The following ST8SIA6 variants were observed in gnomAD, a reference collection of about 807,000 sequenced individuals.
ST8SIA6 encodes the protein alpha-2,8-sialyltransferase 8F.
In ST8SIA6, 39 loss-of-function variants were observed where a neutral mutation model predicts 33.6. The ratio of observed to expected loss-of-function variants is 1.16; its 90% CI spans 0.90 to 1.52. The LOEUF (loss-of-function observed/expected upper bound fraction) is 1.52, where lower values mean the gene tolerates loss of function less well. Ranked by LOEUF, ST8SIA6 falls within the 40% of genes most tolerant of loss-of-function variation. The pLI, the probability that ST8SIA6 is intolerant of heterozygous loss-of-function variation, is 0.00. For missense variants in ST8SIA6, 441 were observed against 443.8 expected (o/e 0.99, Z 0.06); for synonymous variants, 172 against 167.2 (o/e 1.03, Z -0.22).
At chr10:17,363,628 G>A (rs188856753) in intron 3 of ST8SIA6, among the ~76,000 whole-genome samples, 1 of 152,264 alleles carries the variant, frequency 6.6e-6, no homozygotes, top group Admixed American at 6.5e-5. Context: ...GCTGGAGTTG[G>A]CTCATACAAG....
intron 3 of ST8SIA6, among the ~76,000 whole-genome samples, chr10:17,369,150 A>C (rs371347096): frequency 2.0e-4 from 31 of 152,222 alleles, no homozygotes; most frequent in African/African-American, 7.5e-4. Context: ...AGTGGTTGTT[A>C]TATTCACAGA....
chr10:17,387,374 C>T (rs1850411582), intron 3 of ST8SIA6, among the ~76,000 whole-genome samples: 1 of 149,292 alleles, frequency 6.7e-6, no homozygotes, highest in Non-Finnish European at 1.5e-5. Context: ...GCCTCAGTCT[C>T]CCGAGTAGCT....
chr10:17,324,670 C>A (rs932511089), intron 6 of ST8SIA6, among the ~76,000 whole-genome samples: 3 of 148,170 alleles, frequency 2.0e-5, no homozygotes, highest in African/African-American at 5.0e-5. Context: ...CTAGATTCTA[C>A]TTTTGCTGAT....
At chr10:17,367,773 A>G (rs960934292) in intron 3 of ST8SIA6, among the ~76,000 whole-genome samples, 1 of 152,226 alleles carries the variant, frequency 6.6e-6, no homozygotes, top group Non-Finnish European at 1.5e-5. Context: ...TAAATTGCAG[A>G]GTCTGATAAA....
rs1441773404 is a variant in ST8SIA6 at position 17,320,221 on chromosome 10, T to G, written c.*657A>C. On this transcript the variant is annotated 3_prime_UTR_variant, in exon 8 of 8. Transcript: ENST00000377602. ...AAAAGTGTAAGAATGAGGCAGGAAGTTAAAATAAAATTATTAAGTGATGAA... is the reference window on the plus strand; with the variant it reads ...AAAAGTGTAAGAATGAGGCAGGAAGGTAAAATAAAATTATTAAGTGATGAA... 6.6e-6 allele frequency: 1 copy of G among 152,246 alleles called. No individual in the cohort carries two copies. The highest frequency in any genetic ancestry group is 1.5e-5 in the Non-Finnish European group (1 of 68,094). The allele number at this position is 152,246 out of a possible 1,614,324, so 9.4% of individuals were successfully genotyped here.
At chr10:17,437,476 T>C (rs1852308754) in intron 2 of ST8SIA6, among the ~76,000 whole-genome samples, 1 of 151,408 alleles carries the variant, frequency 6.6e-6, no homozygotes, top group Non-Finnish European at 1.5e-5. Flanking sequence ...CTGGACAATC[T>C]CTATATTTTA....
intron 2 of ST8SIA6, among the ~76,000 whole-genome samples, chr10:17,400,436 G>A (rs1019405034): frequency 6.6e-6 from 1 of 152,172 alleles, no homozygotes; most frequent in Admixed American, 6.5e-5. Context: ...GGAGGCTGAG[G>A]CAGGAGAATT....
chr10:17,434,726 G>T (rs1353565758), intron 2 of ST8SIA6, among the ~76,000 whole-genome samples: 4 of 151,232 alleles, frequency 2.6e-5, no homozygotes, highest in Admixed American at 2.6e-4. Context: ...GTCTGTAGGT[G>T]TTGGGAGGAC....
intron 6 of ST8SIA6, among the ~76,000 whole-genome samples, chr10:17,323,924 A>C (rs1046932441): frequency 5.9e-5 from 9 of 152,210 alleles, no homozygotes; most frequent in Admixed American, 2.6e-4. Context: ...AGCAAAGACT[A>C]AATTAAACAA....
chr10:17,317,983 T>C lies in ST8SIA6; in HGVS notation c.*2895A>G, dbSNP rs555204401. 6.6e-6 allele frequency among the ~76,000 whole-genome samples: 1 copy of C among 152,282 alleles called. No homozygotes were observed. The highest frequency in any genetic ancestry group is 1.9e-4 in the East Asian group (1 of 5,176). On this transcript the variant is annotated 3_prime_UTR_variant, in exon 8 of 8. Coordinates refer to ENST00000377602, the MANE Select transcript of ST8SIA6 (RefSeq NM_001004470.3). The stretch of plus-strand genomic sequence containing the variant: ...CTGCGCAAAAATTAACACTATGCAA[T>C]TGATCATGAAGCCCTTTGCAGGGAC...
intron 2 of ST8SIA6, among the ~76,000 whole-genome samples, chr10:17,430,851 GA>G (rs1196226795): frequency 6.6e-5 from 10 of 152,172 alleles, no homozygotes; most frequent in African/African-American, 9.7e-5. Flanking sequence ...TTGCTCTGCT[GA>G]TTATTCCTTT....
chr10:17,370,256 T>C (rs576231185), intron 3 of ST8SIA6, among the ~76,000 whole-genome samples: 2 of 152,348 alleles, frequency 1.3e-5, no homozygotes, highest in African/African-American at 4.8e-5. Context: ...GTGCTGGGAT[T>C]GCAGGCGTGA....
Position 17,390,623 on chromosome 10 carries a change from GT to G in ST8SIA6, c.201-4del. ...GCGACTTCTCATTCAGATATGTGCT[GT>G]TTCATGAAAGAGATTTTTAAAAAGA... On this transcript the variant is annotated splice_polypyrimidine_tract_variant and splice_region_variant and intron_variant, in intron 2 of 7. Coordinates refer to ENST00000377602, the MANE Select transcript of ST8SIA6 (RefSeq NM_001004470.3). 6.2e-7 allele frequency: 1 copy of G among 1,602,362 alleles called. No homozygotes were observed. Among genetic ancestry groups the G allele is most frequent in the Admixed American group, 1.7e-5 (1 of 57,546 alleles).
At chr10:17,392,940 T>A (rs569856167) in intron 2 of ST8SIA6, among the ~76,000 whole-genome samples, 17 of 152,288 alleles carry the variant, frequency 1.1e-4, no homozygotes, top group South Asian at 4.1e-4. Flanking sequence ...AAAACATGAT[T>A]TCTGGGTGTG....
intron 2 of ST8SIA6, among the ~76,000 whole-genome samples, chr10:17,408,498 T>C (rs1218844554): frequency 6.6e-6 from 1 of 151,914 alleles, no homozygotes; most frequent in Admixed American, 6.6e-5. Flanking sequence ...ACCCCGTCTC[T>C]ACTAGAAAGG....
chr10:17,327,992 C>A (rs553360154), intron 5 of ST8SIA6, among the ~76,000 whole-genome samples: 69 of 152,108 alleles, frequency 4.5e-4, no homozygotes, highest in African/African-American at 1.6e-3. Context: ...GAGAAATAGA[C>A]ATCATAGGAT....
chr10:17,327,061 A>T lies in ST8SIA6; in HGVS notation c.588T>A (p.Asn196Lys), dbSNP rs775905542. 14 of 1,610,488 alleles carry T rather than the reference A, an allele frequency of 8.7e-6. No homozygotes were observed. Among genetic ancestry groups the T allele is most frequent in the Admixed American group, 6.7e-5 (4 of 59,384 alleles). The change falls in exon 6 of 8, where the codon AAT becomes AAA. Residue 196 changes from asparagine (N) to lysine (K), a missense_variant. By Grantham distance (94) the Asn-to-Lys change is moderately conservative. Transcript: ENST00000377602. ...CAVVGNGGIL[N>K]KSLCGTEIDK... ...CTATTTCAGTTCCACAGAGAGACTT[A>T]TTCAGAATTCCCCCATTTCCGACCA...
intron 2 of ST8SIA6, among the ~76,000 whole-genome samples, chr10:17,397,452 C>T (rs1850852786): frequency 6.6e-6 from 1 of 152,098 alleles, no homozygotes. Context: ...CCAGGCTGGT[C>T]TCGAACTCCT....
Position 17,359,519 on chromosome 10 carries a change from A to C in ST8SIA6, c.372T>G (p.Asn124Lys). 2 of 1,597,484 alleles carry C rather than the reference A, an allele frequency of 1.3e-6. No individual in the cohort carries two copies. The highest frequency in any genetic ancestry group is 2.3e-5 in the South Asian group (2 of 87,488). ...PWKRQAEEYA[N>K]FRAKLASCCD... ...TTATTTATGAAAAAAATTACCTAAA[A>C]TTTGCATATTCTTCTGCTTGCCGTT... Residue 124 changes from asparagine to lysine, a missense_variant, in exon 4 of 8, where the codon AAT becomes AAG. By Grantham distance (94) the Asn-to-Lys change is moderately conservative (BLOSUM62 0). Transcript: ENST00000377602.
Sources: gnomAD v4.1 joint callset for allele counts (sites outside exome capture counted in the v4.1 genomes callset) on GRCh38, gnomAD v4.1.1 for gene constraint, MANE v1.5 for transcripts, NCBI Gene and HGNC (gene_info 2026-07-23, HGNC 2026-07-21) for gene names.